Variants in SEL1L3 observed in about 807,000 individuals in gnomAD.
SEL1L3 encodes protein sel-1 homolog 3.
In SEL1L3, 76 loss-of-function variants were observed where a neutral mutation model predicts 142.8. The ratio of observed to expected loss-of-function variants is 0.53; its 90% CI spans 0.44 to 0.64. The LOEUF (loss-of-function observed/expected upper bound fraction) is 0.64, where lower values mean the gene tolerates loss of function less well. Among genes scored for constraint, SEL1L3 ranks in the 30% least tolerant of loss-of-function variants. The pLI, the probability that SEL1L3 is intolerant of heterozygous loss-of-function variation, is 0.00. For missense variants in SEL1L3, 1,262 were observed against 1,381.7 expected, an observed-to-expected ratio of 0.91 and a Z score of 1.37; for synonymous variants, 504 against 519.6, an observed-to-expected ratio of 0.97 and a Z score of 0.41.
intron 8 of SEL1L3, among the ~76,000 whole-genome samples, chr4:25,819,238 T>C (rs1469662140): frequency 6.6e-6 from 1 of 152,238 alleles, no homozygotes; most frequent in Non-Finnish European, 1.5e-5. Flanking sequence ...TAAAAGGATG[T>C]CTGTGCAAAT....
intron 17 of SEL1L3, among the ~76,000 whole-genome samples, chr4:25,774,035 T>G (rs1015629760): frequency 6.6e-6 from 1 of 152,220 alleles, no homozygotes; most frequent in African/African-American, 2.4e-5. Context: ...TCACCTTAGT[T>G]CATTCAATCA....
downstream of SEL1L3, among the ~76,000 whole-genome samples, chr4:25,747,236 C>A (rs1404303543): frequency 2.0e-5 from 3 of 152,118 alleles, no homozygotes; most frequent in Non-Finnish European, 2.9e-5. Flanking sequence ...ATTCTAAGGC[C>A]AGACCTGAGC....
At chr4:25,755,247 C>T (rs1717873741) in intron 23 of SEL1L3, among the ~76,000 whole-genome samples, 1 of 142,906 alleles carries the variant, frequency 7.0e-6, no homozygotes, top group Non-Finnish European at 1.5e-5. Flanking sequence ...TGACACCTGG[C>T]TAATTTTTAT....
At chr4:25,789,397 T>C (rs765339441) in intron 12 of SEL1L3, among the ~76,000 whole-genome samples, 2 of 151,896 alleles carry the variant, frequency 1.3e-5, no homozygotes, top group Non-Finnish European at 2.9e-5. Context: ...CTGGGCAACA[T>C]AGCAAGACCC....
chr4:25,806,616 G>A (rs1157476785), intron 9 of SEL1L3, among the ~76,000 whole-genome samples: 1 of 152,154 alleles, frequency 6.6e-6, no homozygotes, highest in African/African-American at 2.4e-5. Context: ...CACTGTGCCT[G>A]TGCTGGCAGA....
At chr4:25,802,823 T>C (rs1466434893) in intron 10 of SEL1L3, among the ~76,000 whole-genome samples, 2 of 152,184 alleles carry the variant, frequency 1.3e-5, no homozygotes, top group African/African-American at 2.4e-5. Flanking sequence ...CCTCATGATC[T>C]ACCCGCCTCG....
chr4:25,759,788 C>T (rs191346485), intron 20 of SEL1L3: 1 of 152,298 alleles, frequency 6.6e-6, no homozygotes, highest in East Asian at 1.9e-4. Flanking sequence ...GAATGCACAC[C>T]CTCCATCACA....
In SEL1L3 at chr4:25,847,274, T is replaced by A; in HGVS notation, c.733+20A>T. On this transcript the variant is annotated intron_variant, in intron 2 of 23. Coordinates refer to ENST00000399878, the MANE Select transcript of SEL1L3 (RefSeq NM_015187.5). ...TCTGAAAAAATGAGAATTAGGTTCC[T>A]AGCAAGATAGATGACCTACCATTTT... The A allele has an allele frequency of 6.3e-7, 1 of 1,584,486 alleles. No individual in the cohort carries two copies. The highest frequency in any genetic ancestry group is 8.6e-7 in the Non-Finnish European group (1 of 1,163,088).
At chr4:25,757,408 T>C (rs1577558423) in intron 23 of SEL1L3, 126 bp downstream of exon 23, 1 of 704,340 alleles carries the variant, frequency 1.4e-6, no homozygotes, top group South Asian at 2.0e-5. Flanking sequence ...GGATAGGAGA[T>C]AGCATGACCA....
intron 23 of SEL1L3, among the ~76,000 whole-genome samples, chr4:25,749,883 G>A (rs534622569): frequency 7.2e-5 from 11 of 152,246 alleles, no homozygotes; most frequent in African/African-American, 1.4e-4. Context: ...AATATTTCGC[G>A]ACATGTGAAA....
chr4:25,754,351 CTTTTT>C (rs34663888), intron 23 of SEL1L3, among the ~76,000 whole-genome samples: 3 of 142,652 alleles, frequency 2.1e-5, no homozygotes, highest in Non-Finnish European at 1.5e-5. Context: ...TTATTGACAA[CTTTTT>C]TTTTTTTTTT....
At chr4:25,835,434 A>G (rs1715756742) in intron 2 of SEL1L3, 111 bp from the exon 3 acceptor site, 2 of 1,173,856 alleles carry the variant, frequency 1.7e-6, no homozygotes, top group Non-Finnish European at 2.4e-6. Flanking sequence ...TTTAAGTGAG[A>G]TACCCTAAAA....
chr4:25,802,582 T>A, intron 10 of SEL1L3, 120 bp from the exon 11 acceptor site: 1 of 854,164 alleles, frequency 1.2e-6, no homozygotes, highest in Non-Finnish European at 1.8e-6. Flanking sequence ...AGAAATATGT[T>A]AACTTGCCTT....
intron 11 of SEL1L3, among the ~76,000 whole-genome samples, chr4:25,795,837 T>C (rs1712697725): frequency 6.6e-6 from 1 of 151,940 alleles, no homozygotes; most frequent in African/African-American, 2.4e-5. Context: ...GAGGCAGGAA[T>C]GACCTTTAAA....
At chr4:25,724,288 G>A in the SEL1L3 span, among the ~76,000 whole-genome samples, 2 of 152,048 alleles carry the variant, frequency 1.3e-5, no homozygotes, top group African/African-American at 4.8e-5. Flanking sequence ...GCATGGTGGA[G>A]AACGCCTGTA....
At chr4:25,830,986 G>C (rs1018030065) in intron 5 of SEL1L3, among the ~76,000 whole-genome samples, 3 of 152,166 alleles carry the variant, frequency 2.0e-5, no homozygotes, top group African/African-American at 7.2e-5. Context: ...AGCATTATGT[G>C]TTGTTTGGGA....
intron 1 of SEL1L3, among the ~76,000 whole-genome samples, chr4:25,853,173 C>A (rs373581171): frequency 1.1e-4 from 17 of 152,224 alleles, no homozygotes; most frequent in African/African-American, 3.9e-4. Flanking sequence ...CCTCAAAATT[C>A]AAGGTTACAG....
chr4:25,863,236 C>T (rs1577715414), upstream of SEL1L3, among the ~76,000 whole-genome samples: 1 of 109,712 alleles, frequency 9.1e-6, no homozygotes, highest in African/African-American at 3.5e-5. Flanking sequence ...CCCCCCTTTC[C>T]CTTTCTCTCT....
chr4:25,780,184 C>T (rs1719901526), intron 15 of SEL1L3, among the ~76,000 whole-genome samples: 1 of 152,124 alleles, frequency 6.6e-6, no homozygotes. Flanking sequence ...CATTCAACCC[C>T]TCAGCAAATC....
Sources: gnomAD v4.1 joint callset for allele counts (sites outside exome capture counted in the v4.1 genomes callset) on GRCh38, gnomAD v4.1.1 for gene constraint, MANE v1.5 for transcripts, NCBI Gene and HGNC (gene_info 2026-07-23, HGNC 2026-07-21) for gene names.